SELENOI: variants seen among roughly 807,000 people sequenced by gnomAD.
SELENOI encodes the protein selenoprotein I.
In SELENOI, 24 loss-of-function variants were observed where a neutral mutation model predicts 50.7. The observed-to-expected ratio is 0.47, with a 90% CI of 0.34 to 0.67. The LOEUF (loss-of-function observed/expected upper bound fraction) is 0.67. Ranked by LOEUF, SELENOI falls within the 30% of genes least tolerant of loss-of-function variation. The pLI is 0.01. For missense variants in SELENOI, 352 were observed against 461.4 expected (o/e 0.76, Z 2.17); for synonymous variants, 155 against 170.2 (o/e 0.91, Z 0.70).
Position 26,375,092 on chromosome 2 carries a change from A to G in SELENOI, c.626A>G (p.Tyr209Cys). The G allele has an allele frequency of 6.2e-7, 1 of 1,613,538 alleles. No homozygotes were observed. Among genetic ancestry groups the G allele is most frequent in the Non-Finnish European group, 8.5e-7 (1 of 1,179,544 alleles). The part of the protein sequence containing the change: ...VTAVVGVEAW[Y>C]EPFLFNFLYR... The stretch of plus-strand genomic sequence containing the variant: ...GCAGTTGTGGGAGTTGAGGCCTGGT[A>G]TGAACCTTTCCTGTTTAATTTCTTA... Residue 209 changes from tyrosine to cysteine, a missense_variant, in exon 6 of 10, where the codon TAT (tyrosine) becomes TGT (cysteine). Tyr to Cys is a radical substitution (Grantham distance 194). Coordinates refer to ENST00000260585, the MANE Select transcript of SELENOI (RefSeq NM_033505.4).
intron 4 of SELENOI, among the ~76,000 whole-genome samples, chr2:26,370,259 T>C (rs1015843238): frequency 6.6e-5 from 10 of 151,800 alleles, no homozygotes; most frequent in Non-Finnish European, 1.2e-4. Context: ...TGTCTACCTC[T>C]TTCTACACAG....
rs57102834 is a variant in SELENOI at position 26,381,198 on chromosome 2, C to CTTTTTTTTTTTTTTTTTTTTTT, written c.683-2091_683-2070dup. 1.7e-4 allele frequency among the ~76,000 whole-genome samples: 5 copies of CTTTTTTTTTTTTTTTTTTTTTT among 30,198 alleles called. 1 individual carries two copies. The highest frequency in any genetic ancestry group is 9.0e-4 in the African/African-American group (5 of 5,532). The allele number at this position is 30,198 out of a possible 152,430, so 19.8% of individuals were successfully genotyped here. Reference sequence around the variant, plus strand: ...TGGATTGTATCTCCTTCAGTTTGGTCTTTTTTTTTTTTTTTTTTTTTTTTT... The same window carrying CTTTTTTTTTTTTTTTTTTTTTT: ...TGGATTGTATCTCCTTCAGTTTGGTCTTTTTTTTTTTTTTTTTTTTTTTTTTTTTTTTTTTTTTTTTTTTTTT... On this transcript the variant is annotated intron_variant, in intron 6 of 9. Transcript: ENST00000260585.
intron 1 of SELENOI, among the ~76,000 whole-genome samples, chr2:26,361,877 C>T (rs1291161863): frequency 6.6e-6 from 1 of 152,120 alleles, no homozygotes; most frequent in African/African-American, 2.4e-5. Context: ...AGGCTGGTCT[C>T]GAACTCATGA....
chr2:26,388,935 A>G, intron 9 of SELENOI, 70 bp from the exon 10 acceptor site: 7 of 1,212,704 alleles, frequency 5.8e-6, no homozygotes, highest in African/African-American at 3.0e-5. Flanking sequence ...TCTAGGGGGT[A>G]AATTCTGTGT....
intron 4 of SELENOI, among the ~76,000 whole-genome samples, chr2:26,370,388 G>C (rs1355344306): frequency 6.6e-6 from 1 of 151,860 alleles, no homozygotes; most frequent in Non-Finnish European, 1.5e-5. Context: ...CCTCCCAGAC[G>C]GGGTGGTGGC....
At chr2:26,350,638 G>A (rs1377460550) in intron 1 of SELENOI, among the ~76,000 whole-genome samples, 1 of 152,166 alleles carries the variant, frequency 6.6e-6, no homozygotes, top group Admixed American at 6.5e-5. Flanking sequence ...AAATAACTCA[G>A]TTTGGTGGCA....
chr2:26,380,413 T>A (rs1040505096), intron 6 of SELENOI, among the ~76,000 whole-genome samples: 1 of 152,176 alleles, frequency 6.6e-6, no homozygotes, highest in African/African-American at 2.4e-5. Context: ...TCCCCCCTCT[T>A]AATTGTATAT....
intron 1 of SELENOI, among the ~76,000 whole-genome samples, chr2:26,362,702 G>A (rs571645648): frequency 6.6e-6 from 1 of 152,190 alleles, no homozygotes; most frequent in Non-Finnish European, 1.5e-5. Context: ...GTTGCAGTGA[G>A]CTGAGATCGC....
chr2:26,386,215 A>G (rs971889718), intron 8 of SELENOI, 139 bp from the exon 9 acceptor site: 1 of 862,810 alleles, frequency 1.2e-6, no homozygotes, highest in African/African-American at 1.7e-5. Flanking sequence ...AGCATTGAGA[A>G]CTTCTGAACT....
Position 26,364,910 on chromosome 2 carries a change from G to A in SELENOI, c.205G>A (p.Ala69Thr). ...GGTCGTATTCAATTTTCTGCTAATG[G>A]CATACTTTGATCCTGACTTTTATGC... ...LLVVFNFLLM[A>T]YFDPDFYASA... The change falls in exon 3 of 10, where the codon GCA becomes ACA. Residue 69 changes from alanine to threonine, a missense_variant. By Grantham distance (58) the Ala-to-Thr change is moderately conservative. Transcript: ENST00000260585. The A allele has an allele frequency of 6.2e-7, 1 of 1,607,714 alleles. No homozygotes were observed. The highest frequency in any genetic ancestry group is 1.1e-5 in the South Asian group (1 of 89,594).
intron 6 of SELENOI, among the ~76,000 whole-genome samples, chr2:26,376,091 C>CAA (rs57146815): frequency 3.0e-4 from 24 of 81,198 alleles, no homozygotes; most frequent in East Asian, 1.7e-3. Flanking sequence ...GACCCTGTCT[C>CAA]AAAAAAAAAA....
chr2:26,346,353 C>T lies in SELENOI; in HGVS notation c.57+64C>T, dbSNP rs1188292063. On this transcript the variant is annotated intron_variant, in intron 1 of 9. Coordinates refer to ENST00000260585, the MANE Select transcript of SELENOI (RefSeq NM_033505.4). The stretch of plus-strand genomic sequence containing the variant: ...GCCTCGCCCAGGCGGCTGAGGGGCC[C>T]GCGCGGCGCGGTCCGTGTCACCTTG... The T allele has an allele frequency of 3.3e-6, 5 of 1,525,762 alleles. 1 individual carries two copies. The highest frequency in any genetic ancestry group is 2.4e-5 in the East Asian group (1 of 41,036). The allele number at this position is 1,525,762 out of a possible 1,614,324, so 94.5% of individuals were successfully genotyped here.
chr2:26,357,711 T>C (rs1677092787), intron 1 of SELENOI, among the ~76,000 whole-genome samples: 1 of 152,202 alleles, frequency 6.6e-6, no homozygotes. Context: ...TACATAATAC[T>C]CGGATAATTC....
At position 26,395,861 on chromosome 2, in the gene SELENOI, AAG is replaced by A. The variant is rs1381186553; in HGVS notation, c.*6761_*6762del. 6 of 152,616 alleles carry A rather than the reference AAG, an allele frequency of 3.9e-5. No individual in the cohort carries two copies. The highest frequency in any genetic ancestry group is 1.9e-4 in the East Asian group (1 of 5,200). The allele number at this position is 152,616 out of a possible 1,614,324, so 9.5% of individuals were successfully genotyped here. On this transcript the variant is annotated 3_prime_UTR_variant, in exon 10 of 10. Transcript: ENST00000260585. ...TAATTATTTATTGTAATAAAAGTAA[AAG>A]AGTAATTTTTAAATCCTTTTAATTG... is the stretch of plus-strand genomic sequence containing the variant.
intron 5 of SELENOI, among the ~76,000 whole-genome samples, 185 bp downstream of exon 5, chr2:26,373,814 A>G (rs1006420596): frequency 1.3e-5 from 2 of 152,228 alleles, no homozygotes; most frequent in African/African-American, 4.8e-5. Context: ...AGTAGAGAGA[A>G]TATTTAGGAA....
chr2:26,371,087 G>A (rs1376069370), intron 4 of SELENOI, among the ~76,000 whole-genome samples: 4 of 147,612 alleles, frequency 2.7e-5, no homozygotes, highest in African/African-American at 7.5e-5. Context: ...CGGACGGGGC[G>A]GCTGGCCGGG....
At chr2:26,348,448 A>G (rs1195138894) in intron 1 of SELENOI, among the ~76,000 whole-genome samples, 1 of 152,246 alleles carries the variant, frequency 6.6e-6, no homozygotes, top group East Asian at 1.9e-4. Flanking sequence ...TGACAGATAT[A>G]CAGAATAACT....
intron 8 of SELENOI, 128 bp from the exon 9 acceptor site, chr2:26,386,226 T>C: frequency 5.2e-6 from 5 of 953,334 alleles, no homozygotes; most frequent in Non-Finnish European, 6.2e-6. Flanking sequence ...CTTCTGAACT[T>C]AGATAATGTA....
chr2:26,368,961 T>A (rs968770700), intron 4 of SELENOI, among the ~76,000 whole-genome samples: 2 of 152,242 alleles, frequency 1.3e-5, no homozygotes, highest in African/African-American at 4.8e-5. Flanking sequence ...CAATATATTA[T>A]GCCACAGACT....
Sources: allele counts gnomAD v4.1 joint callset (sites outside exome capture counted in the v4.1 genomes callset), GRCh38; gene constraint gnomAD v4.1.1; transcripts MANE v1.5; gene names NCBI Gene and HGNC (gene_info 2026-07-23, HGNC 2026-07-21).